Variants in SDHAF3 observed in about 807,000 individuals in gnomAD.
SDHAF3 encodes succinate dehydrogenase complex assembly factor 3.
SDHAF3 carries 18 observed loss-of-function variants against 11.5 expected under a neutral mutation model. The observed-to-expected ratio is 1.56, with a 90% CI of 1.08 to 2.32. The LOEUF is 2.32. Ranked by LOEUF, SDHAF3 falls within the 30% of genes most tolerant of loss-of-function variation. The probability of loss-of-function intolerance (pLI) is 0.00; values close to 1 mark genes in which losing one functional copy is unlikely to be tolerated. For missense variants in SDHAF3, 200 were observed against 154.4 expected (o/e 1.30, Z -1.57); for synonymous variants, 72 against 59.3 (o/e 1.21, Z -0.99).
At chr7:97,158,698 A>G (rs1457476002) in intron 1 of SDHAF3, among the ~76,000 whole-genome samples, 1 of 152,220 alleles carries the variant, frequency 6.6e-6, no homozygotes, top group Non-Finnish European at 1.5e-5. Context: ...AAATAATTAA[A>G]AAATAATATA....
intron 1 of SDHAF3, among the ~76,000 whole-genome samples, chr7:97,119,836 C>T (rs78762024): frequency 0.026 from 3,932 of 152,096 alleles, 164 homozygotes; most frequent in African/African-American, 0.088. Flanking sequence ...GATGTTTTCT[C>T]ATGGTTAAAT....
chr7:97,175,225 A>G (rs1405404382), intron 1 of SDHAF3, among the ~76,000 whole-genome samples: 1 of 152,204 alleles, frequency 6.6e-6, no homozygotes, highest in African/African-American at 2.4e-5. Flanking sequence ...GTAATTTAAG[A>G]TAATTTATAA....
In SDHAF3 at chr7:97,154,825, T is replaced by G. The variant is rs527979317; in HGVS notation, c.175-26187T>G. Among the ~76,000 whole-genome samples, 3 of 152,324 alleles carry G rather than the reference T, an allele frequency of 2.0e-5. No individual in the cohort carries two copies. In the East Asian group the frequency reaches 5.8e-4, roughly 29 times the overall value. On this transcript the variant is annotated intron_variant, in intron 1 of 1. Transcript: ENST00000432641. ...ATTAACTTTTCCATATGATTTGAAGTTTTAGGTCAAGGTTTATTTATTTTT... is the reference window on the plus strand; with the variant it reads ...ATTAACTTTTCCATATGATTTGAAGGTTTAGGTCAAGGTTTATTTATTTTT...
intron 1 of SDHAF3, among the ~76,000 whole-genome samples, chr7:97,122,502 G>A (rs1791516646): frequency 6.6e-6 from 1 of 151,526 alleles, no homozygotes; most frequent in Non-Finnish European, 1.5e-5. Context: ...ATAGATTTAT[G>A]AGGTTTTTTT....
intron 1 of SDHAF3, among the ~76,000 whole-genome samples, chr7:97,134,064 A>T (rs113511002): frequency 6.6e-6 from 1 of 152,160 alleles, no homozygotes; most frequent in Non-Finnish European, 1.5e-5. Context: ...TTAAAAACCA[A>T]TCCATACACT....
intron 1 of SDHAF3, among the ~76,000 whole-genome samples, chr7:97,178,928 G>A (rs749847491): frequency 1.5e-4 from 23 of 152,090 alleles, no homozygotes; most frequent in African/African-American, 5.3e-4. Flanking sequence ...AGGTCATAAA[G>A]ATTTACCTAT....
At chr7:97,147,843 C>A (rs1406322846) in intron 1 of SDHAF3, among the ~76,000 whole-genome samples, 1 of 152,120 alleles carries the variant, frequency 6.6e-6, no homozygotes, top group Non-Finnish European at 1.5e-5. Flanking sequence ...GTACTCTGCT[C>A]CACCAAAATG....
At chr7:97,139,218 A>C (rs1268051803) in intron 1 of SDHAF3, among the ~76,000 whole-genome samples, 1 of 152,208 alleles carries the variant, frequency 6.6e-6, no homozygotes, top group Non-Finnish European at 1.5e-5. Flanking sequence ...AAGGGTGAGA[A>C]GGGCAGAGAA....
At chr7:97,139,896 G>T (rs192754881) in intron 1 of SDHAF3, among the ~76,000 whole-genome samples, 1 of 152,260 alleles carries the variant, frequency 6.6e-6, no homozygotes, top group Non-Finnish European at 1.5e-5. Flanking sequence ...AGTACCTCTG[G>T]ATGTTTGTAG....
chr7:97,131,050 TTGTC>T (rs1791663988), intron 1 of SDHAF3, among the ~76,000 whole-genome samples: 1 of 152,204 alleles, frequency 6.6e-6, no homozygotes, highest in African/African-American at 2.4e-5. Flanking sequence ...GCCTAGGAAT[TTGTC>T]TGTCTCCTGC....
At chr7:97,178,537 T>TA (rs1321613071) in intron 1 of SDHAF3, among the ~76,000 whole-genome samples, 1 of 152,164 alleles carries the variant, frequency 6.6e-6, no homozygotes, top group East Asian at 1.9e-4. Context: ...TTCTGGGGTT[T>TA]AAAAAATTAT....
chr7:97,142,768 T>C (rs1313414976), intron 1 of SDHAF3: 1 of 152,124 alleles, frequency 6.6e-6, no homozygotes, highest in Non-Finnish European at 1.5e-5. Context: ...CCATAACTGC[T>C]GAGTCTTGGA....
At chr7:97,173,859 T>C (rs1789641581) in intron 1 of SDHAF3, among the ~76,000 whole-genome samples, 1 of 151,520 alleles carries the variant, frequency 6.6e-6, no homozygotes, top group Non-Finnish European at 1.5e-5. Flanking sequence ...GCCAAAATAA[T>C]TCTTAATACC....
At chr7:97,120,437 G>C (rs980152636) in intron 1 of SDHAF3, among the ~76,000 whole-genome samples, 1 of 151,954 alleles carries the variant, frequency 6.6e-6, no homozygotes, top group African/African-American at 2.4e-5. Context: ...GAAAAACCTG[G>C]CTAGAGAAGT....
chr7:97,178,331 A>G (rs561031885), intron 1 of SDHAF3, among the ~76,000 whole-genome samples: 9 of 152,244 alleles, frequency 5.9e-5, no homozygotes, highest in African/African-American at 1.7e-4. Context: ...AATGTCGTCT[A>G]TTGTGTATAC....
At chr7:97,124,114 G>A (rs1439998490) in intron 1 of SDHAF3, among the ~76,000 whole-genome samples, 4 of 152,130 alleles carry the variant, frequency 2.6e-5, no homozygotes, top group African/African-American at 9.6e-5. Flanking sequence ...TTTCTTCTAG[G>A]GTTTTTATGG....
intron 1 of SDHAF3, among the ~76,000 whole-genome samples, chr7:97,175,965 A>G (rs1381385045): frequency 6.6e-6 from 1 of 152,172 alleles, no homozygotes; most frequent in East Asian, 1.9e-4. Context: ...CTTCTGGTGG[A>G]TCCAGGATTC....
At chr7:97,156,988 C>T (rs1789311661) in intron 1 of SDHAF3, among the ~76,000 whole-genome samples, 1 of 152,026 alleles carries the variant, frequency 6.6e-6, no homozygotes, top group Non-Finnish European at 1.5e-5. Flanking sequence ...CAGCCCCTGA[C>T]AGGCCCCTCC....
rs1791588410 is a variant in SDHAF3, at chr7:97,127,054, C to T, written c.174+9157C>T. On this transcript the variant is annotated intron_variant, in intron 1 of 1. Transcript: ENST00000432641. ...CTTGGCTGGGAAAGGGAGCCCCTCA[C>T]CTCCCCGCAACTCCTTGCGCTTCCT... Among the ~76,000 whole-genome samples the T allele has an allele frequency of 2.0e-5, 3 of 152,296 alleles. No individual in the cohort carries two copies. In the South Asian group the frequency reaches 6.2e-4, roughly 32 times the overall value.
Sources: allele counts gnomAD v4.1 joint callset (sites outside exome capture counted in the v4.1 genomes callset), GRCh38; gene constraint gnomAD v4.1.1; transcripts MANE v1.5; gene names NCBI Gene and HGNC (gene_info 2026-07-23, HGNC 2026-07-21).